RAB11FIP2: variants seen among roughly 807,000 people sequenced by gnomAD.
RAB11FIP2 encodes RAB11 family interacting protein 2, also known as rab11 family-interacting protein 2.
In RAB11FIP2, 16 loss-of-function variants were observed where a neutral mutation model predicts 40.9. The observed-to-expected ratio is 0.39, with a 90% confidence interval of 0.26 to 0.59. The LOEUF is 0.59. Among genes scored for constraint, RAB11FIP2 ranks in the 20% least tolerant of loss-of-function variants. RAB11FIP2 has a pLI of 0.53. For missense variants in RAB11FIP2, 532 were observed against 606.2 expected, an observed-to-expected ratio of 0.88 and a Z score of 1.28; for synonymous variants, 228 against 213.7, an observed-to-expected ratio of 1.07 and a Z score of -0.58.
chr10:118,024,105 AAGAAT>A (rs1334864816), intron 3 of RAB11FIP2, among the ~76,000 whole-genome samples: 3 of 151,584 alleles, frequency 2.0e-5, no homozygotes, highest in African/African-American at 7.3e-5. Flanking sequence ...AAAAAAAAAA[AAGAAT>A]AGAATAGAAA....
In RAB11FIP2 at chr10:118,007,673, A is replaced by G. The variant is rs1589635119; in HGVS notation, c.*1325T>C. On this transcript the variant is annotated 3_prime_UTR_variant, in exon 5 of 5. Coordinates refer to ENST00000355624, the MANE Select transcript of RAB11FIP2 (RefSeq NM_014904.3). Reference sequence around the variant, plus strand: ...CTGAAAAATAAGCAGAAGATTAGCAATATTTTTATAACATTGCTTGTCAAT... The same window carrying G: ...CTGAAAAATAAGCAGAAGATTAGCAGTATTTTTATAACATTGCTTGTCAAT... 4 of 152,136 alleles carry G rather than the reference A, an allele frequency of 2.6e-5. No homozygotes were observed. The highest frequency in any genetic ancestry group is 2.0e-4 in the Admixed American group (3 of 15,272). The allele number at this position is 152,136 out of a possible 1,614,324, so 9.4% of individuals were successfully genotyped here.
chr10:118,024,488 TG>T, intron 3 of RAB11FIP2, among the ~76,000 whole-genome samples: 1 of 143,950 alleles, frequency 6.9e-6, no homozygotes, highest in Non-Finnish European at 1.5e-5. Context: ...TGTGTGTGTG[TG>T]TGTGTGTGTG....
chr10:118,030,515 A>G (rs992135538), intron 3 of RAB11FIP2, among the ~76,000 whole-genome samples: 3 of 152,164 alleles, frequency 2.0e-5, no homozygotes, highest in Non-Finnish European at 4.4e-5. Flanking sequence ...AATAACTTGT[A>G]CAGTCTCTCT....
intron 3 of RAB11FIP2, among the ~76,000 whole-genome samples, chr10:118,038,128 T>C (rs528952691): frequency 9.8e-4 from 149 of 152,044 alleles, no homozygotes; most frequent in Middle Eastern, 3.4e-3. Flanking sequence ...AAGATGGGAA[T>C]AAATTTATCT....
chr10:118,036,647 C>T (rs772101957), intron 3 of RAB11FIP2, among the ~76,000 whole-genome samples: 4 of 152,064 alleles, frequency 2.6e-5, no homozygotes, highest in Admixed American at 6.6e-5. Context: ...ATTTACCACA[C>T]GGATGGTTTG....
At chr10:118,027,634 G>C (rs1410436933) in intron 3 of RAB11FIP2, among the ~76,000 whole-genome samples, 2 of 152,058 alleles carry the variant, frequency 1.3e-5, no homozygotes, top group African/African-American at 4.8e-5. Flanking sequence ...TTGGCTCCTT[G>C]GTAGCCTAAA....
intron 3 of RAB11FIP2, among the ~76,000 whole-genome samples, chr10:118,025,829 T>C (rs1452599898): frequency 1.3e-5 from 2 of 152,230 alleles, no homozygotes; most frequent in Non-Finnish European, 2.9e-5. Flanking sequence ...TTCGAGACTT[T>C]TAGTTCTACC....
At chr10:118,022,429 A>C (rs1245253143) in intron 3 of RAB11FIP2, among the ~76,000 whole-genome samples, 1 of 152,176 alleles carries the variant, frequency 6.6e-6, no homozygotes, top group East Asian at 1.9e-4. Flanking sequence ...CTCCTCCTGA[A>C]TAATGACAAA....
At chr10:118,010,395 T>C (rs1031035036) in intron 4 of RAB11FIP2, among the ~76,000 whole-genome samples, 2 of 152,108 alleles carry the variant, frequency 1.3e-5, no homozygotes, top group Admixed American at 1.3e-4. Context: ...CAGTGGAGGA[T>C]GGGGAATGGG....
Position 118,039,365 on chromosome 10 carries a change from T to A in RAB11FIP2, c.872A>T (p.Asp291Val). 6.2e-7 allele frequency: 1 copy of A among 1,613,588 alleles called. No homozygotes were observed. The highest frequency in any genetic ancestry group is 8.5e-7 in the Non-Finnish European group (1 of 1,179,624). The stretch of plus-strand genomic sequence containing the variant: ...TCTTCCGAAACACAATTCACCTTCA[T>A]CCACAATGCTGTCAGGTTGGTTCAT... Reference protein sequence around the residue: ...SKMNQPDSIVDEGELCFGRQN... With the variant: ...SKMNQPDSIVVEGELCFGRQN... Residue 291 changes from aspartate to valine, a missense_variant, in exon 3 of 5, where the codon GAT becomes GTT. By Grantham distance (152) the Asp-to-Val change is radical. Coordinates refer to ENST00000355624, the MANE Select transcript of RAB11FIP2 (RefSeq NM_014904.3).
At chr10:118,033,212 G>A (rs928303752) in intron 3 of RAB11FIP2, among the ~76,000 whole-genome samples, 4 of 152,112 alleles carry the variant, frequency 2.6e-5, no homozygotes, top group Admixed American at 1.3e-4. Context: ...TTTTAAACCC[G>A]ATAGTCAATG....
At chr10:118,018,860 C>A (rs1422158192) in intron 3 of RAB11FIP2, among the ~76,000 whole-genome samples, 3 of 151,978 alleles carry the variant, frequency 2.0e-5, no homozygotes, top group African/African-American at 7.2e-5. Flanking sequence ...AACTGTTCAC[C>A]ACAGTAATCA....
At chr10:118,016,329 T>C (rs1023227261) in intron 3 of RAB11FIP2, among the ~76,000 whole-genome samples, 3 of 152,186 alleles carry the variant, frequency 2.0e-5, no homozygotes, top group Admixed American at 1.3e-4. Context: ...AAGCACCAGT[T>C]AAAGGCCTGT....
intron 1 of RAB11FIP2, 144 bp downstream of exon 1, chr10:118,045,667 G>C (rs370653740): frequency 1.6e-6 from 1 of 627,380 alleles, no homozygotes; most frequent in South Asian, 2.3e-5. Flanking sequence ...TTTTACTTCA[G>C]ATTCATGCAA....
rs995052868 is a variant in RAB11FIP2, at chr10:118,013,034, G to C, written c.1311+2031C>G. ...TTGCATAAGATTTTGAGAACTGCTA[G>C]TGATCTATTTTTGCTTTACACAGTC... On this transcript the variant is annotated intron_variant, in intron 4 of 4. Coordinates refer to ENST00000355624, the MANE Select transcript of RAB11FIP2 (RefSeq NM_014904.3). Among the ~76,000 whole-genome samples the C allele has an allele frequency of 1.8e-4, 27 of 152,156 alleles. 1 individual carries two copies. Among genetic ancestry groups the C allele is most frequent in the Non-Finnish European group, 7.4e-5 (5 of 67,950 alleles).
chr10:118,015,488 T>C (rs193145392), intron 3 of RAB11FIP2, among the ~76,000 whole-genome samples: 82 of 152,254 alleles, frequency 5.4e-4, no homozygotes, highest in Admixed American at 3.0e-3. Context: ...CTAGGGAGAA[T>C]TAAGTAAATT....
intron 2 of RAB11FIP2, chr10:118,039,673 A>C (rs1265224028): frequency 4.1e-6 from 2 of 487,848 alleles, no homozygotes; most frequent in Non-Finnish European, 3.6e-6. Context: ...TTCAGCTCAC[A>C]ATCATATAAA....
At chr10:118,045,757 A>C (rs1846620586) in intron 1 of RAB11FIP2, 54 bp downstream of exon 1, 1 of 1,398,406 alleles carries the variant, frequency 7.2e-7, no homozygotes, top group African/African-American at 1.5e-5. Context: ...AGAACAGAAA[A>C]ACCATAAATA....
intron 1 of RAB11FIP2, among the ~76,000 whole-genome samples, chr10:118,042,504 T>C (rs1357150218): frequency 6.6e-6 from 1 of 152,182 alleles, no homozygotes; most frequent in African/African-American, 2.4e-5. Context: ...GAACCACATA[T>C]GTTAATAAGG....
Sources: allele counts gnomAD v4.1 joint callset (sites outside exome capture counted in the v4.1 genomes callset), GRCh38; gene constraint gnomAD v4.1.1; transcripts MANE v1.5; gene names NCBI Gene and HGNC (gene_info 2026-07-23, HGNC 2026-07-21).